Variants in TBC1D30 observed in about 807,000 individuals in gnomAD.
TBC1D30 encodes TBC1 domain family, member 30.
Under a neutral mutation model 63.2 loss-of-function variants are expected in TBC1D30, and 31 were observed. That is an observed-to-expected ratio of 0.49 (90% CI 0.37 to 0.66). The LOEUF is 0.66. Among genes scored for constraint, TBC1D30 ranks in the 30% least tolerant of loss-of-function variants. The probability of loss-of-function intolerance (pLI) is 0.00; values close to 1 mark genes in which losing one functional copy is unlikely to be tolerated. For synonymous variants in TBC1D30, 307 were observed against 361.5 expected (o/e 0.85, Z 1.71); for missense variants, 810 against 953.6 (o/e 0.85, Z 1.98).
chr12:64,862,518 TGGG>T (rs1877875589), intron 8 of TBC1D30, among the ~76,000 whole-genome samples: 1 of 152,168 alleles, frequency 6.6e-6, no homozygotes, highest in Non-Finnish European at 1.5e-5. Flanking sequence ...CCATCATCCC[TGGG>T]GCAGGGCAGG....
upstream of TBC1D30, among the ~76,000 whole-genome samples, chr12:64,823,657 T>C (rs1874030884): frequency 6.6e-6 from 1 of 152,168 alleles, no homozygotes; most frequent in African/African-American, 2.4e-5. Context: ...TTTATTTTTA[T>C]TTTTATGTCT....
At position 64,875,746 on chromosome 12, in the gene TBC1D30, C is replaced by G. The variant is rs778253895; in HGVS notation, c.2244C>G (p.Phe748Leu). The G allele has an allele frequency of 6.5e-7, 1 of 1,534,344 alleles. No homozygotes were observed. Among genetic ancestry groups the G allele is most frequent in the South Asian group, 1.2e-5 (1 of 83,438 alleles). ...TVHFPQMSRS[F>L]SKPGGGNSGT... ...ACTTTCCTCAAATGAGTAGGAGCTT[C>G]AGCAAACCCGGCGGTGGAAACAGTG... Residue 748 changes from phenylalanine (F) to leucine (L), a missense_variant, in exon 12 of 12, where the codon TTC (phenylalanine) becomes TTG (leucine). Physicochemically the swap from Phe to Leu is conservative, Grantham distance 22. This residue lies in a region of TBC1D30 where 450 missense variants were observed against 473.0 expected (regional missense o/e 0.95). Transcript: ENST00000539867.
At chr12:64,825,342 C>T in intron 1 of TBC1D30, 1 of 349,978 alleles carries the variant, frequency 2.9e-6, no homozygotes, top group Non-Finnish European at 5.2e-6. Context: ...GTGCGGGTGG[C>T]TGCCCGGGCC....
rs1037632682 is a variant in TBC1D30 at position 64,824,916 on chromosome 12, G to A, written c.37G>A (p.Gly13Arg). 3.9e-6 allele frequency: 6 copies of A among 1,534,058 alleles called. No homozygotes were observed. The highest frequency in any genetic ancestry group is 1.4e-5 in the African/African-American group (1 of 72,948). The change falls in exon 1 of 12, where the codon GGG becomes AGG. Residue 13 changes from glycine to arginine, a missense_variant. Physicochemically the swap from Gly to Arg is moderately radical, Grantham distance 125. Coordinates refer to ENST00000539867, the MANE Select transcript of TBC1D30 (RefSeq NM_015279.2). ...QDKLTGSLRRGGRCLKRQGGG... is the reference protein window; with the variant it reads ...QDKLTGSLRRRGRCLKRQGGG... ...CAAGCTGACCGGGTCTCTGAGGCGC[G>A]GGGGGAGATGCCTGAAGCGGCAGGG...
chr12:64,761,960 A>G (rs1405612018), intron 1 of TBC1D30, among the ~76,000 whole-genome samples: 1 of 152,208 alleles, frequency 6.6e-6, no homozygotes, highest in African/African-American at 2.4e-5. Context: ...TTTGCAGTCT[A>G]ATGGCAGAGA....
chr12:64,840,620 A>G (rs759233591), intron 7 of TBC1D30, among the ~76,000 whole-genome samples: 2 of 152,200 alleles, frequency 1.3e-5, no homozygotes, highest in Non-Finnish European at 1.5e-5. Context: ...CACTGTTGTC[A>G]TCTCCATTTT....
rs1879326245 is a variant in TBC1D30 at position 64,879,594 on chromosome 12, G to T, written c.*3806G>T. On this transcript the variant is annotated 3_prime_UTR_variant, in exon 12 of 12. Transcript: ENST00000539867. ...TTTTTTTTCCTTTCTATGACTTCTA[G>T]TGTGGAAGTGCCAACAGAAGTGTTT... is the stretch of plus-strand genomic sequence containing the variant. 6.6e-6 allele frequency: 1 copy of T among 152,118 alleles called. No individual in the cohort carries two copies. The highest frequency in any genetic ancestry group is 2.4e-5 in the African/African-American group (1 of 41,424). 9.4% of individuals were successfully genotyped at this position (152,118 alleles called of 1,614,324 possible). A position where few individuals can be genotyped will look rare whatever the true frequency, so the allele number is the denominator to read the frequency against.
intron 1 of TBC1D30, among the ~76,000 whole-genome samples, chr12:64,765,490 C>CAAAAAAAAAAAAAAAAAAAAA (rs60489979): frequency 5.7e-5 from 1 of 17,600 alleles, no homozygotes; most frequent in Non-Finnish European, 1.2e-4. Context: ...AGACTGTCTC[C>CAAAAAAAAAAAAAAAAAAAAA]AAAAAAAAAA....
intron 2 of TBC1D30, among the ~76,000 whole-genome samples, chr12:64,801,066 C>T (rs1729057521): frequency 6.6e-6 from 1 of 152,172 alleles, no homozygotes; most frequent in Non-Finnish European, 1.5e-5. Flanking sequence ...AATTTTTCCT[C>T]CTCTGAACCT....
intron 2 of TBC1D30, among the ~76,000 whole-genome samples, chr12:64,819,560 G>A (rs904769927): frequency 2.0e-5 from 3 of 151,922 alleles, no homozygotes; most frequent in African/African-American, 7.3e-5. Flanking sequence ...GGGATTACAG[G>A]TGTGCGCCAC....
intron 1 of TBC1D30, among the ~76,000 whole-genome samples, chr12:64,767,043 A>G (rs538364215): frequency 6.6e-6 from 1 of 152,116 alleles, no homozygotes; most frequent in Non-Finnish European, 1.5e-5. Flanking sequence ...TACAACTAAC[A>G]TAGAGCTTGA....
At chr12:64,819,871 C>T (rs1873785358), upstream of TBC1D30, among the ~76,000 whole-genome samples, 1 of 152,158 alleles carries the variant, frequency 6.6e-6, no homozygotes, top group Non-Finnish European at 1.5e-5. Context: ...ACCAGACCTC[C>T]ATTCTTTTTA....
Position 64,796,653 on chromosome 12 carries a change from A to G in TBC1D30, c.643+10608A>G, listed in dbSNP as rs115932300. ...AGAGAATACTTCTAGAAGTGGGGAT[A>G]TTTTGCAATTTATAGTTTAAAAAGA... On this transcript the variant is annotated intron_variant, in intron 2 of 12. Transcript: ENST00000542120. Among the ~76,000 whole-genome samples the G allele has an allele frequency of 2.6e-3, 401 of 152,254 alleles. 2 individuals are homozygous for G. Among genetic ancestry groups the G allele is most frequent in the African/African-American group, 7.7e-3 (320 of 41,550 alleles).
At chr12:64,789,799 C>G (rs1871820647) in intron 2 of TBC1D30, among the ~76,000 whole-genome samples, 2 of 152,050 alleles carry the variant, frequency 1.3e-5, no homozygotes, top group Admixed American at 6.6e-5. Flanking sequence ...CTATATTTAA[C>G]CATTTAAGGA....
At position 64,878,333 on chromosome 12, in the gene TBC1D30, G is replaced by A. The variant is rs1879231983; in HGVS notation, c.*2545G>A. 2.4e-6 allele frequency: 1 copy of A among 412,720 alleles called. No homozygotes were observed. The highest frequency in any genetic ancestry group is 4.9e-6 in the Non-Finnish European group (1 of 204,988). 25.6% of individuals were successfully genotyped at this position (412,720 alleles called of 1,614,324 possible). A position where few individuals can be genotyped will look rare whatever the true frequency, so the allele number is the denominator to read the frequency against. On this transcript the variant is annotated 3_prime_UTR_variant, in exon 12 of 12. Transcript: ENST00000539867. Reference sequence around the variant, plus strand: ...CATGTACAAAGACCAGTATGGACTTGCTATCTTCCCTATGTATTGGACACT... The same window carrying A: ...CATGTACAAAGACCAGTATGGACTTACTATCTTCCCTATGTATTGGACACT...
chr12:64,806,413 T>A (rs558035474), intron 2 of TBC1D30, among the ~76,000 whole-genome samples: 3 of 152,248 alleles, frequency 2.0e-5, no homozygotes, highest in Non-Finnish European at 4.4e-5. Flanking sequence ...CTAGTCCAAT[T>A]TGCTCATTTT....
chr12:64,828,658 C>G, intron 3 of TBC1D30, 149 bp downstream of exon 3: 3 of 631,966 alleles, frequency 4.7e-6, no homozygotes, highest in Non-Finnish European at 8.1e-6. Context: ...ATTGATTATT[C>G]TGTGCCAAGT....
chr12:64,800,665 TAGAG>T (rs1193762900), intron 2 of TBC1D30, among the ~76,000 whole-genome samples: 9 of 151,858 alleles, frequency 5.9e-5, no homozygotes, highest in Admixed American at 2.0e-4. Context: ...AGTGACCTGT[TAGAG>T]AGGGCAGAAC....
rs1464319732 is a variant in TBC1D30 at position 64,786,914 on chromosome 12, G to A, written c.643+869G>A. On this transcript the variant is annotated intron_variant, in intron 2 of 12. Coordinates refer to the TBC1D30 transcript ENST00000542120. ...ACCGAGATCGCACCATTGCACTCCAGCCTGGGCGACAAGAGCGAAACTCCA... is the reference window on the plus strand; with the variant it reads ...ACCGAGATCGCACCATTGCACTCCAACCTGGGCGACAAGAGCGAAACTCCA... Among the ~76,000 whole-genome samples the A allele has an allele frequency of 2.0e-5, 3 of 151,696 alleles. No individual in the cohort carries two copies. In the East Asian group the frequency reaches 5.8e-4, roughly 29 times the overall value.
Sources: allele counts gnomAD v4.1 joint callset (sites outside exome capture counted in the v4.1 genomes callset), GRCh38; gene constraint gnomAD v4.1.1; regional missense constraint gnomAD v4.1.1; transcripts MANE v1.5; gene names NCBI Gene and HGNC (gene_info 2026-07-23, HGNC 2026-07-21).